The following LINC00237 variants were observed in gnomAD, a reference collection of about 807,000 sequenced individuals.
LINC00237 encodes long independently transcribed non-coding RNA 237.
intron 1 of LINC00237, among the ~76,000 whole-genome samples, chr20:21,095,452 T>C (rs1256194201): frequency 6.6e-6 from 1 of 152,164 alleles, no homozygotes; most frequent in Non-Finnish European, 1.5e-5. Context: ...TTGGGGTGAT[T>C]CATTAAGCAG....
chr20:21,089,036 C>T (rs1448039808), intron 2 of LINC00237, among the ~76,000 whole-genome samples: 1 of 151,784 alleles, frequency 6.6e-6, no homozygotes, highest in Non-Finnish European at 1.5e-5. Context: ...CCATGAGACA[C>T]AGGAATAATG....
At chr20:21,098,841 C>T (rs1445938957) in intron 1 of LINC00237, among the ~76,000 whole-genome samples, 1 of 152,198 alleles carries the variant, frequency 6.6e-6, no homozygotes, top group Non-Finnish European at 1.5e-5. Flanking sequence ...TTGGAGTAAA[C>T]AGAGCTGCAA....
At chr20:21,097,555 T>C (rs1265927788) in intron 1 of LINC00237, among the ~76,000 whole-genome samples, 3 of 152,212 alleles carry the variant, frequency 2.0e-5, no homozygotes, top group Non-Finnish European at 4.4e-5. Context: ...TCCCAAGATA[T>C]AAGGTGTATA....
At chr20:21,094,238 A>G (rs561417260) in intron 1 of LINC00237, among the ~76,000 whole-genome samples, 34 of 152,336 alleles carry the variant, frequency 2.2e-4, no homozygotes, top group African/African-American at 7.7e-4. Context: ...AAGGGCAGAT[A>G]TATGCTGGTC....
At position 21,091,612 on chromosome 20, in the gene LINC00237, A is replaced by G. The variant is rs143737723; in HGVS notation, n.472+1857T>C. ...ATTAATTTTTGTGAATATTGCTTGG[A>G]GAAGGTTTAACGACTCCACCAAACA... On this transcript the variant is annotated intron_variant and non_coding_transcript_variant, in intron 2 of 3. Coordinates refer to ENST00000691244, the Ensembl canonical transcript of LINC00237. Among the ~76,000 whole-genome samples, 480 of 152,260 alleles carry G rather than the reference A, an allele frequency of 3.2e-3. 2 individuals are homozygous for G. The highest frequency in any genetic ancestry group is 0.011 in the African/African-American group (468 of 41,564).
chr20:21,086,686 TATAC>T (rs1207962983), intron 3 of LINC00237, among the ~76,000 whole-genome samples: 23 of 694 alleles, frequency 0.033, 1 homozygote, highest in African/African-American at 0.051. Context: ...GTATACTACA[TATAC>T]ATATGTAGTA....
intron 1 of LINC00237, among the ~76,000 whole-genome samples, chr20:21,102,755 G>A (rs561010260): frequency 1.3e-5 from 2 of 151,718 alleles, no homozygotes; most frequent in Admixed American, 6.5e-5. Flanking sequence ...CCCACTGAGC[G>A]GAACAATTGT....
At chr20:21,095,617 G>T (rs2030847589) in intron 1 of LINC00237, among the ~76,000 whole-genome samples, 1 of 152,192 alleles carries the variant, frequency 6.6e-6, no homozygotes, top group South Asian at 2.1e-4. Flanking sequence ...AAGCATTTCA[G>T]GTTAGCAACT....
intron 2 of LINC00237, chr20:21,090,231 A>G (rs1405512451): frequency 1.3e-5 from 2 of 152,238 alleles, no homozygotes; most frequent in African/African-American, 2.4e-5. Flanking sequence ...AGACATTTAC[A>G]TAAGTGCTGT....
At chr20:21,089,313 G>C (rs961375575) in intron 2 of LINC00237, among the ~76,000 whole-genome samples, 2 of 151,684 alleles carry the variant, frequency 1.3e-5, no homozygotes, top group Non-Finnish European at 2.9e-5. Flanking sequence ...AACACCCTTC[G>C]GTTTCTCTCA....
intron 1 of LINC00237, among the ~76,000 whole-genome samples, chr20:21,103,211 C>A (rs1324655875): frequency 6.6e-6 from 1 of 152,272 alleles, no homozygotes; most frequent in Non-Finnish European, 1.5e-5. Context: ...GTCTCGCACA[C>A]CTGCCCATCT....
chr20:21,106,133 C>G (rs374680930), intron 1 of LINC00237: 3 of 152,384 alleles, frequency 2.0e-5, no homozygotes, highest in East Asian at 1.9e-4. Context: ...GCGCCTTTGC[C>G]GGGGAAAGAG....
intron 1 of LINC00237, among the ~76,000 whole-genome samples, chr20:21,100,481 C>G (rs980427807): frequency 6.6e-6 from 1 of 152,266 alleles, no homozygotes; most frequent in African/African-American, 2.4e-5. Flanking sequence ...AGCGCCTCTG[C>G]GCAACTTTCC....
chr20:21,105,359 C>G (rs1400414599), intron 1 of LINC00237, among the ~76,000 whole-genome samples: 1 of 150,702 alleles, frequency 6.6e-6, no homozygotes, highest in Non-Finnish European at 1.5e-5. Flanking sequence ...CTGCCCTCCT[C>G]GGGCTAAAAG....
At chr20:21,099,311 G>A (rs2122179790) in intron 1 of LINC00237, among the ~76,000 whole-genome samples, 1 of 151,752 alleles carries the variant, frequency 6.6e-6, no homozygotes, top group East Asian at 2.0e-4. Flanking sequence ...TTATTTTTAT[G>A]TATTTATATT....
chr20:21,095,496 G>A (rs2122175383), intron 1 of LINC00237, among the ~76,000 whole-genome samples: 1 of 152,308 alleles, frequency 6.6e-6, no homozygotes. Flanking sequence ...ATAAAGAGGA[G>A]TACACACGTG....
At chr20:21,089,211 T>G (rs1266880447) in intron 2 of LINC00237, among the ~76,000 whole-genome samples, 1 of 151,222 alleles carries the variant, frequency 6.6e-6, no homozygotes, top group Non-Finnish European at 1.5e-5. Context: ...CTATTAGAAA[T>G]GTATTATTTA....
chr20:21,086,652 T>TATATATAGTATGCTAC, intron 3 of LINC00237, among the ~76,000 whole-genome samples: 1 of 30,348 alleles, frequency 3.3e-5, no homozygotes, highest in Admixed American at 3.5e-4. Context: ...TAGTATACTA[T>TATATATAGTATGCTAC]ATATGTATAG....
intron 1 of LINC00237, among the ~76,000 whole-genome samples, chr20:21,096,552 G>A (rs1345908715): frequency 6.6e-6 from 1 of 152,224 alleles, no homozygotes; most frequent in Non-Finnish European, 1.5e-5. Flanking sequence ...TGGCAGACAG[G>A]AGTCTCCGAC....
Sources: gnomAD v4.1 joint callset for allele counts (sites outside exome capture counted in the v4.1 genomes callset) on GRCh38, gnomAD v4.1.1 for gene constraint, MANE v1.5 for transcripts, NCBI Gene and HGNC (gene_info 2026-07-23, HGNC 2026-07-21) for gene names.